ADCY2: variants seen among roughly 807,000 people sequenced by gnomAD.
ADCY2 encodes the protein adenylate cyclase 2.
In ADCY2, 31 loss-of-function variants were observed where a neutral mutation model predicts 125.2. The observed-to-expected ratio is 0.25, with a 90% CI of 0.19 to 0.33. The LOEUF (loss-of-function observed/expected upper bound fraction) is 0.33, where lower values mean the gene tolerates loss of function less well. Ranked by LOEUF, ADCY2 falls within the 10% of genes least tolerant of loss-of-function variation. The pLI, the probability that ADCY2 is intolerant of heterozygous loss-of-function variation, is 1.00. For missense variants in ADCY2, 904 were observed against 1,418.2 expected, an observed-to-expected ratio of 0.64 and a Z score of 5.82; for synonymous variants, 512 against 548.4, an observed-to-expected ratio of 0.93 and a Z score of 0.93.
intron 3 of ADCY2, among the ~76,000 whole-genome samples, chr5:7,594,893 A>T (rs16878803): frequency 0.023 from 3,566 of 152,320 alleles, 129 homozygotes; most frequent in African/African-American, 0.081. Context: ...AAGAAAGATT[A>T]TGTCTAAGGA....
At position 7,488,900 on chromosome 5, in the gene ADCY2, T is replaced by C. The variant is rs117729349; in HGVS notation, c.409-31838T>C. 7.8e-3 allele frequency among the ~76,000 whole-genome samples: 1,189 copies of C among 152,282 alleles called. 43 individuals carry two copies. The East Asian group carries it at 0.09, about 12-fold the overall frequency. On this transcript the variant is annotated intron_variant, in intron 2 of 24. Coordinates refer to ENST00000338316, the MANE Select transcript of ADCY2 (RefSeq NM_020546.3). ...GGCTCATTTGCGGTCCAGACCTGCC[T>C]GTGCAACCCCGAGGGACCCATGAAT... is the stretch of plus-strand genomic sequence containing the variant.
intron 2 of ADCY2, among the ~76,000 whole-genome samples, chr5:7,416,348 C>T (rs571048546): frequency 7.9e-5 from 12 of 152,290 alleles, no homozygotes; most frequent in South Asian, 6.2e-4. Flanking sequence ...ATCACTCTCC[C>T]ACTAGAGCCC....
intron 14 of ADCY2, among the ~76,000 whole-genome samples, chr5:7,730,979 G>A (rs1051857842): frequency 1.1e-4 from 17 of 151,962 alleles, no homozygotes; most frequent in African/African-American, 3.9e-4. Context: ...TGTTGCTGTC[G>A]ATTGTCTCGA....
chr5:7,555,122 C>T (rs1735463317), intron 3 of ADCY2, among the ~76,000 whole-genome samples: 1 of 152,182 alleles, frequency 6.6e-6, no homozygotes, highest in African/African-American at 2.4e-5. Flanking sequence ...TTTTAAGATA[C>T]ATCTTGACAA....
At chr5:7,714,177 G>A (rs930732967) in intron 11 of ADCY2, among the ~76,000 whole-genome samples, 1 of 152,204 alleles carries the variant, frequency 6.6e-6, no homozygotes, top group African/African-American at 2.4e-5. Flanking sequence ...ATATTAGAGA[G>A]CCCATAAGAC....
intron 3 of ADCY2, among the ~76,000 whole-genome samples, chr5:7,568,229 C>T (rs1045831430): frequency 6.6e-6 from 1 of 152,110 alleles, no homozygotes; most frequent in African/African-American, 2.4e-5. Context: ...TCCACGTGGT[C>T]CTGGCAGTCC....
intron 5 of ADCY2, among the ~76,000 whole-genome samples, chr5:7,693,408 T>TTTTTTTTTTTTTTTTTTTTTC (rs1554032723): frequency 1.5e-5 from 1 of 67,592 alleles, no homozygotes; most frequent in Non-Finnish European, 3.7e-5. Context: ...TGCCTGCTGT[T>TTTTTTTTTTTTTTTTTTTTTC]TTTTGTTTTT....
At chr5:7,496,470 C>T (rs1295806452) in intron 2 of ADCY2, among the ~76,000 whole-genome samples, 1 of 152,116 alleles carries the variant, frequency 6.6e-6, no homozygotes, top group Non-Finnish European at 1.5e-5. Flanking sequence ...CTAATTGTGG[C>T]TATTACACAT....
chr5:7,545,999 A>G (rs1460663986), intron 3 of ADCY2, among the ~76,000 whole-genome samples: 1 of 152,210 alleles, frequency 6.6e-6, no homozygotes, highest in African/African-American at 2.4e-5. Context: ...AACTATTGAC[A>G]GAAATTCACT....
intron 3 of ADCY2, among the ~76,000 whole-genome samples, chr5:7,611,396 T>G (rs1344236764): frequency 6.6e-6 from 1 of 152,198 alleles, no homozygotes; most frequent in Non-Finnish European, 1.5e-5. Context: ...TTTATTAAGG[T>G]CCTTAAAAAA....
At chr5:7,411,384 C>T (rs1739710442) in intron 1 of ADCY2, among the ~76,000 whole-genome samples, 1 of 152,178 alleles carries the variant, frequency 6.6e-6, no homozygotes, top group Non-Finnish European at 1.5e-5. Flanking sequence ...CTGGGGAGGG[C>T]AGGCACACCA....
chr5:7,425,629 G>A (rs181405763), intron 2 of ADCY2, among the ~76,000 whole-genome samples: 13 of 152,300 alleles, frequency 8.5e-5, no homozygotes, highest in African/African-American at 2.6e-4. Flanking sequence ...CTGGTATTCT[G>A]TATTTCAAAT....
chr5:7,703,359 T>C (rs1307805467), intron 7 of ADCY2, among the ~76,000 whole-genome samples: 1 of 152,180 alleles, frequency 6.6e-6, no homozygotes, highest in East Asian at 1.9e-4. Flanking sequence ...TGGTTTCAGG[T>C]CTAACATTTA....
chr5:7,680,646 GA>G (rs1281624730), intron 4 of ADCY2, among the ~76,000 whole-genome samples: 1 of 152,144 alleles, frequency 6.6e-6, no homozygotes, highest in Non-Finnish European at 1.5e-5. Context: ...AAGCGAGTGA[GA>G]AAACACACCC....
At chr5:7,488,904 C>T (rs1029610470) in intron 2 of ADCY2, among the ~76,000 whole-genome samples, 2 of 152,174 alleles carry the variant, frequency 1.3e-5, no homozygotes, top group African/African-American at 2.4e-5. Flanking sequence ...CCTGCCTGTG[C>T]AACCCCGAGG....
At chr5:7,478,299 A>G (rs568620715) in intron 2 of ADCY2, among the ~76,000 whole-genome samples, 1 of 152,306 alleles carries the variant, frequency 6.6e-6, no homozygotes, top group South Asian at 2.1e-4. Context: ...TAAAACAAAC[A>G]TGTAAACTAA....
Position 7,742,348 on chromosome 5 carries a change from G to A in ADCY2, c.1872-1320G>A, listed in dbSNP as rs77655426. Among the ~76,000 whole-genome samples, 1,045 of 152,230 alleles carry A rather than the reference G, an allele frequency of 6.9e-3. 5 individuals carry two copies. Among genetic ancestry groups the A allele is most frequent in the Non-Finnish European group, 0.011 (731 of 68,004 alleles). On this transcript the variant is annotated intron_variant, in intron 14 of 24. Coordinates refer to ENST00000338316, the MANE Select transcript of ADCY2 (RefSeq NM_020546.3). ...ACAGCCTAGCATGAGCCCGGCCCATGAGACTAGTCAACAATCTAGGTGTAC... is the reference window on the plus strand; with the variant it reads ...ACAGCCTAGCATGAGCCCGGCCCATAAGACTAGTCAACAATCTAGGTGTAC...
At chr5:7,706,967 G>A (rs540480423) in intron 8 of ADCY2, 65 bp downstream of exon 8, 2 of 1,584,506 alleles carry the variant, frequency 1.3e-6, no homozygotes, top group African/African-American at 1.3e-5. Flanking sequence ...CAGATTATCA[G>A]CCTAATGACG....
chr5:7,715,755 G>A lies in ADCY2; in HGVS notation c.1623-1402G>A, dbSNP rs1308802989. On this transcript the variant is annotated intron_variant, in intron 11 of 24. Transcript: ENST00000338316. ...CCCGAAGGCACAAATCCACAAACAG[G>A]ATGATGGAATTGGAAAACTCATCCA... Among the ~76,000 whole-genome samples, 3 of 152,108 alleles carry A rather than the reference G, an allele frequency of 2.0e-5. No individual in the cohort carries two copies. The East Asian group carries it at 5.8e-4, about 29-fold the overall frequency.
Sources: allele counts gnomAD v4.1 joint callset (sites outside exome capture counted in the v4.1 genomes callset), GRCh38; gene constraint gnomAD v4.1.1; transcripts MANE v1.5; gene names NCBI Gene and HGNC (gene_info 2026-07-23, HGNC 2026-07-21).